Variants in CCDC57 observed in about 807,000 individuals in gnomAD.
The protein encoded by CCDC57 is coiled-coil domain containing 57, also known as coiled-coil domain-containing protein 57.
A neutral mutation model predicts 118.9 loss-of-function variants in CCDC57; 118 were observed. That is an observed-to-expected ratio of 0.99 (90% CI 0.86 to 1.16). The LOEUF is 1.16. CCDC57 is among the 50% of genes most tolerant of loss of function. The probability of loss-of-function intolerance (pLI) is 0.00; values close to 1 mark genes in which losing one functional copy is unlikely to be tolerated. For synonymous variants in CCDC57, 527 were observed against 532.9 expected, an observed-to-expected ratio of 0.99 and a Z score of 0.15; for missense variants, 1,300 against 1,320.7, an observed-to-expected ratio of 0.98 and a Z score of 0.24.
intron 18 of CCDC57, among the ~76,000 whole-genome samples, 191 bp from the exon 18 acceptor site, chr17:82,128,099 G>A (rs1291421511): frequency 1.3e-5 from 2 of 152,132 alleles, no homozygotes; most frequent in Non-Finnish European, 2.9e-5. Flanking sequence ...GAGTCTCAGC[G>A]CTGGGAACGC....
At chr17:82,173,550 T>C (rs1484422406) in intron 11 of CCDC57, among the ~76,000 whole-genome samples, 1 of 152,078 alleles carries the variant, frequency 6.6e-6, no homozygotes. Context: ...ATGTTACAAA[T>C]GTGCTGAAAG....
chr17:82,150,766 C>T lies in CCDC57; in HGVS notation c.2455+794G>A, dbSNP rs538559335. On this transcript the variant is annotated intron_variant, in intron 16 of 19. Coordinates refer to ENST00000665763, the Ensembl canonical transcript of CCDC57. ...AACCTGACCCGCACCCAGAACCAGGCGCACACTCAGAACCTGGTGCACACC... is the reference window on the plus strand; with the variant it reads ...AACCTGACCCGCACCCAGAACCAGGTGCACACTCAGAACCTGGTGCACACC... Among the ~76,000 whole-genome samples the T allele has an allele frequency of 6.5e-3, 621 of 95,996 alleles. 4 individuals are homozygous for T. Among genetic ancestry groups the T allele is most frequent in the Non-Finnish European group, 0.01 (490 of 48,566 alleles). 63.0% of individuals were successfully genotyped at this position (95,996 alleles called of 152,430 possible).
At chr17:82,121,216 T>A (rs1173295718) in intron 19 of CCDC57, among the ~76,000 whole-genome samples, 1 of 152,130 alleles carries the variant, frequency 6.6e-6, no homozygotes, top group Non-Finnish European at 1.5e-5. Flanking sequence ...TGAGACCGTG[T>A]TTCTAAAATA....
intron 15 of CCDC57, chr17:82,157,500 G>A (rs974885859): frequency 1.1e-5 from 15 of 1,421,058 alleles, no homozygotes; most frequent in South Asian, 7.7e-5. Context: ...GGATGGGCCC[G>A]TCCCGCCCCC....
intron 1 of CCDC57, among the ~76,000 whole-genome samples, chr17:82,209,719 T>G (rs1444671088): frequency 6.6e-6 from 1 of 152,138 alleles, no homozygotes; most frequent in African/African-American, 2.4e-5. Context: ...ACTCCTCACC[T>G]CAAGCGATTT....
chr17:82,141,295 T>C (rs988790991), intron 16 of CCDC57, among the ~76,000 whole-genome samples: 4 of 152,010 alleles, frequency 2.6e-5, no homozygotes, highest in African/African-American at 7.2e-5. Context: ...GCGATTCTTC[T>C]GCCTCAGCCT....
At chr17:82,132,931 TG>T (rs1204370241) in intron 17 of CCDC57, among the ~76,000 whole-genome samples, 1 of 152,120 alleles carries the variant, frequency 6.6e-6, no homozygotes, top group Non-Finnish European at 1.5e-5. Flanking sequence ...GGCTAATTTT[TG>T]TATTTTTAGT....
intron 19 of CCDC57, chr17:82,107,757 G>A (rs2034964564): frequency 2.7e-6 from 1 of 374,950 alleles, no homozygotes; most frequent in South Asian, 1.9e-5. Flanking sequence ...GCTGGAAGTC[G>A]TGGACCGGCG....
At chr17:82,105,486 T>A (rs1395457645) in intron 19 of CCDC57, among the ~76,000 whole-genome samples, 1 of 151,932 alleles carries the variant, frequency 6.6e-6, no homozygotes, top group Admixed American at 6.6e-5. Flanking sequence ...CCACCCCGAA[T>A]CTCCAGAAGC....
Position 82,201,919 on chromosome 17 carries a change from G to GC in CCDC57, c.25dup (p.Ala9GlyfsTer4). 2 of 1,602,348 alleles carry GC rather than the reference G, an allele frequency of 1.2e-6. No homozygotes were observed. The highest frequency in any genetic ancestry group is 1.7e-6 in the Non-Finnish European group (2 of 1,172,428). On this transcript the variant is annotated frameshift_variant, in exon 3 of 20. Coordinates refer to ENST00000665763, the Ensembl canonical transcript of CCDC57. LOFTEE classifies it high-confidence loss of function. ...CTTGCGAAGCAGCAGCTCATTCAGGGCGGGCTCTGAGCCCAGTGGCAGCAT... is the reference window on the plus strand; with the variant it reads ...CTTGCGAAGCAGCAGCTCATTCAGGGCCGGGCTCTGAGCCCAGTGGCAGCAT...
chr17:82,154,292 C>T (rs968267135), intron 15 of CCDC57: 2 of 152,390 alleles, frequency 1.3e-5, no homozygotes, highest in African/African-American at 2.4e-5. Flanking sequence ...CCTCCGCACA[C>T]ACCTGGTCCC....
At chr17:82,113,845 C>A (rs1403833037) in intron 19 of CCDC57, 3 of 591,878 alleles carry the variant, frequency 5.1e-6, no homozygotes, top group Non-Finnish European at 9.0e-6. Flanking sequence ...ACTCAGGAGA[C>A]AAAGGCAGGA....
chr17:82,134,090 G>A (rs754651157), exon 17 of CCDC57: 3 of 1,416,616 alleles, frequency 2.1e-6, no homozygotes. Flanking sequence ...GTAAAATGGG[G>A]CTGCACCTGT....
intron 19 of CCDC57, among the ~76,000 whole-genome samples, chr17:82,114,351 G>A (rs1439962168): frequency 6.6e-6 from 1 of 152,216 alleles, no homozygotes; most frequent in Non-Finnish European, 1.5e-5. Flanking sequence ...TGAGGGGGGA[G>A]GGACGGGGGC....
At chr17:82,134,652 G>T (rs1278404702) in intron 16 of CCDC57, among the ~76,000 whole-genome samples, 1 of 152,052 alleles carries the variant, frequency 6.6e-6, no homozygotes, top group East Asian at 1.9e-4. Flanking sequence ...AAATTAGCTG[G>T]GCGTGGTGGT....
At chr17:82,197,223 C>T (rs2048426615) in intron 4 of CCDC57, among the ~76,000 whole-genome samples, 1 of 151,548 alleles carries the variant, frequency 6.6e-6, no homozygotes. Flanking sequence ...AGAGACGCAG[C>T]CCCTCGTGAC....
At chr17:82,203,027 A>G (rs2146934486) in intron 2 of CCDC57, among the ~76,000 whole-genome samples, 1 of 152,294 alleles carries the variant, frequency 6.6e-6, no homozygotes, top group Middle Eastern at 3.4e-3. Flanking sequence ...TCCCTGCCCA[A>G]ACCTTTGTGG....
chr17:82,108,571 A>G (rs141261470), intron 19 of CCDC57, among the ~76,000 whole-genome samples: 5 of 152,258 alleles, frequency 3.3e-5, no homozygotes, highest in African/African-American at 4.8e-5. Flanking sequence ...TCCAAGACGC[A>G]CAGCAGATTT....
chr17:82,147,575 G>A (rs1235493174), intron 16 of CCDC57, among the ~76,000 whole-genome samples: 9 of 143,942 alleles, frequency 6.3e-5, no homozygotes, highest in African/African-American at 1.8e-4. Flanking sequence ...GTGGGTGTAC[G>A]AATGGATGGA....
Sources: gnomAD v4.1 joint callset for allele counts (sites outside exome capture counted in the v4.1 genomes callset) on GRCh38, gnomAD v4.1.1 for gene constraint, MANE v1.5 for transcripts, NCBI Gene and HGNC (gene_info 2026-07-23, HGNC 2026-07-21) for gene names.